Variants in RNASET2 observed in about 807,000 individuals in gnomAD.
RNASET2 encodes ribonuclease 6.
Under a neutral mutation model 33.9 loss-of-function variants are expected in RNASET2, and 28 were observed. That is an observed-to-expected ratio of 0.83 (90% CI 0.61 to 1.13). The LOEUF (loss-of-function observed/expected upper bound fraction) is 1.13, where lower values mean the gene tolerates loss of function less well. Ranked by LOEUF, RNASET2 falls within the 50% of genes most tolerant of loss-of-function variation. The pLI is 0.00. For synonymous variants in RNASET2, 123 were observed against 121.0 expected (o/e 1.02, Z -0.11); for missense variants, 330 against 319.9 (o/e 1.03, Z -0.24).
At chr6:166,951,057 G>A (rs1463501074) in intron 2 of RNASET2, among the ~76,000 whole-genome samples, 1 of 152,152 alleles carries the variant, frequency 6.6e-6, no homozygotes, top group East Asian at 1.9e-4. Context: ...TTGTTTATTG[G>A]ATACAAGGCA....
In RNASET2 at chr6:166,946,321, G is replaced by A. The variant is rs1274351633; in HGVS notation, c.261+361C>T. Reference sequence around the variant, plus strand: ...GGCACACCGACCAGATTCCCACGTCGGTCATCTGACCCAGAAGTCCTGGGG... The same window carrying A: ...GGCACACCGACCAGATTCCCACGTCAGTCATCTGACCCAGAAGTCCTGGGG... On this transcript the variant is annotated intron_variant, in intron 4 of 8. Transcript: ENST00000508775. 3.9e-5 allele frequency among the ~76,000 whole-genome samples: 6 copies of A among 152,108 alleles called. No individual in the cohort carries two copies. The East Asian group carries it at 5.8e-4, about 15-fold the overall frequency.
chr6:166,954,589 T>G (rs1410949192), intron 1 of RNASET2, among the ~76,000 whole-genome samples: 1 of 152,214 alleles, frequency 6.6e-6, no homozygotes, highest in African/African-American at 2.4e-5. Flanking sequence ...AGTGAGAGGC[T>G]CTGAACCTCA....
intron 1 of RNASET2, chr6:166,953,461 A>G (rs187606226): frequency 2.0e-5 from 3 of 152,390 alleles, no homozygotes; most frequent in African/African-American, 7.2e-5. Context: ...GATTCCAAGT[A>G]AGAAGATCAA....
Position 166,922,701 on chromosome 6 carries a change from G to A in RNASET2, c.*6887C>T, listed in dbSNP as rs1778252031. ...TGTATGTTGTTATCTTTGGGCCACT[G>A]CTGACTATCTTTTCTCAATTCAGGT... On this transcript the variant is annotated 3_prime_UTR_variant, in exon 9 of 9. Coordinates refer to ENST00000508775, the MANE Select transcript of RNASET2 (RefSeq NM_003730.6). Among the ~76,000 whole-genome samples, 1 of 152,180 alleles carries A rather than the reference G, an allele frequency of 6.6e-6. No homozygotes were observed. Among genetic ancestry groups the A allele is most frequent in the South Asian group, 2.1e-4 (1 of 4,832 alleles).
chr6:166,931,221 T>C (rs1778430819), intron 7 of RNASET2, 103 bp from the exon 8 acceptor site: 6 of 860,484 alleles, frequency 7.0e-6, no homozygotes, highest in Admixed American at 3.4e-5. Flanking sequence ...TGGTCTCCCT[T>C]GGCTGGCAGG....
intron 5 of RNASET2, 81 bp downstream of exon 5, chr6:166,942,938 G>A: frequency 8.8e-7 from 1 of 1,141,076 alleles, no homozygotes; most frequent in African/African-American, 1.5e-5. Context: ...TTCCCACACA[G>A]TTTCCACTTC....
rs1778342413 is a variant in RNASET2 at position 166,928,542 on chromosome 6, T to C, written c.*1046A>G. On this transcript the variant is annotated 3_prime_UTR_variant, in exon 9 of 9. Coordinates refer to ENST00000508775, the MANE Select transcript of RNASET2 (RefSeq NM_003730.6). Reference sequence around the variant, plus strand: ...AATGCCTGGCACATAGTAAGTTCTATTTTAAATGTATATTGAATAAAACAT... The same window carrying C: ...AATGCCTGGCACATAGTAAGTTCTACTTTAAATGTATATTGAATAAAACAT... Among the ~76,000 whole-genome samples, 1 of 151,810 alleles carries C rather than the reference T, an allele frequency of 6.6e-6. No homozygotes were observed.
intron 5 of RNASET2, among the ~76,000 whole-genome samples, chr6:166,939,948 T>G (rs1346890983): frequency 6.6e-6 from 1 of 152,248 alleles, no homozygotes; most frequent in Non-Finnish European, 1.5e-5. Context: ...CTCAAAACTC[T>G]GCAAGGCGGA....
rs58837223 is a variant in RNASET2, at chr6:166,927,713, C to CAAAAAAAAAAAAAAAAAAAAAAAA, written c.*1874_*1875insTTTTTTTTTTTTTTTTTTTTTTTT. On this transcript the variant is annotated 3_prime_UTR_variant, in exon 9 of 9. Coordinates refer to ENST00000508775, the MANE Select transcript of RNASET2 (RefSeq NM_003730.6). Reference sequence around the variant, plus strand: ...TGATCCCTGTGTTCGCAAAATGACTCAAAAAAAAAAAAAAAAAAAAAAAGA... The same window carrying CAAAAAAAAAAAAAAAAAAAAAAAA: ...TGATCCCTGTGTTCGCAAAATGACTCAAAAAAAAAAAAAAAAAAAAAAAAAAAAAAAAAAAAAAAAAAAAAAAGA... Among the ~76,000 whole-genome samples the CAAAAAAAAAAAAAAAAAAAAAAAA allele has an allele frequency of 2.1e-5, 1 of 47,342 alleles. No homozygotes were observed. Among genetic ancestry groups the CAAAAAAAAAAAAAAAAAAAAAAAA allele is most frequent in the African/African-American group, 8.6e-5 (1 of 11,666 alleles). The allele number at this position is 47,342 out of a possible 152,430, so 31.1% of individuals were successfully genotyped here.
At chr6:166,954,824 G>C (rs1779066809) in intron 1 of RNASET2, among the ~76,000 whole-genome samples, 1 of 152,052 alleles carries the variant, frequency 6.6e-6, no homozygotes, top group Non-Finnish European at 1.5e-5. Flanking sequence ...GACCAGCCTG[G>C]CTATTAAAAA....
rs762002589 is a variant in RNASET2, at chr6:166,931,027, A to G, written c.567+17T>C. The G allele has an allele frequency of 6.3e-7, 1 of 1,589,360 alleles. No individual in the cohort carries two copies. Among genetic ancestry groups the G allele is most frequent in the Non-Finnish European group, 8.6e-7 (1 of 1,157,510 alleles). On this transcript the variant is annotated intron_variant, in intron 8 of 8. Coordinates refer to ENST00000508775, the MANE Select transcript of RNASET2 (RefSeq NM_003730.6). ...TCTTCTTGAGAAAAAAAGGAAGACA[A>G]AACATAACTGTCTAACCTGGCTTGG...
intron 5 of RNASET2, among the ~76,000 whole-genome samples, chr6:166,942,393 C>T (rs1186054772): frequency 6.6e-6 from 1 of 152,066 alleles, no homozygotes; most frequent in African/African-American, 2.4e-5. Flanking sequence ...GCACAATTTC[C>T]TTAAGAAATA....
intron 6 of RNASET2, chr6:166,938,441 T>C: frequency 2.1e-6 from 1 of 469,588 alleles, no homozygotes; most frequent in South Asian, 1.5e-5. Flanking sequence ...GTTGGGGTCA[T>C]TTCTGGGGCT....
At chr6:166,943,222 T>C in intron 4 of RNASET2, 133 bp from the exon 5 acceptor site, 1 of 674,186 alleles carries the variant, frequency 1.5e-6, no homozygotes. Flanking sequence ...AATAAAATAA[T>C]CCTATGCTTA....
chr6:166,953,641 C>T (rs896078576), intron 1 of RNASET2: 1 of 152,278 alleles, frequency 6.6e-6, no homozygotes, highest in Admixed American at 6.5e-5. Context: ...AATCCCAGCA[C>T]TTTGGGAGGC....
intron 2 of RNASET2, among the ~76,000 whole-genome samples, chr6:166,949,199 CAAAAAAAA>C (rs1169530046): frequency 1.9e-5 from 1 of 52,328 alleles, no homozygotes; most frequent in Non-Finnish European, 3.4e-5. Flanking sequence ...ACCGTGTCTC[CAAAAAAAA>C]AAAAAAAAAA....
intron 8 of RNASET2, 43 bp from the exon 9 acceptor site, chr6:166,929,834 G>C: frequency 1.9e-6 from 3 of 1,553,636 alleles, no homozygotes; most frequent in Non-Finnish European, 2.7e-6. Context: ...TCAGATCTTG[G>C]ATTATCATCA....
intron 6 of RNASET2, among the ~76,000 whole-genome samples, chr6:166,938,010 T>C (rs1218117513): frequency 6.6e-6 from 1 of 152,206 alleles, no homozygotes; most frequent in Admixed American, 6.5e-5. Flanking sequence ...AGATAAGCAA[T>C]GGAGGTTTAT....
At chr6:166,935,915 C>T (rs1778555140) in intron 6 of RNASET2, among the ~76,000 whole-genome samples, 1 of 152,184 alleles carries the variant, frequency 6.6e-6, no homozygotes, top group Non-Finnish European at 1.5e-5. Context: ...CCTCATGATC[C>T]ACCCGCCTTG....
Sources: allele counts gnomAD v4.1 joint callset (sites outside exome capture counted in the v4.1 genomes callset), GRCh38; gene constraint gnomAD v4.1.1; transcripts MANE v1.5; gene names NCBI Gene and HGNC (gene_info 2026-07-23, HGNC 2026-07-21).